UGT2B4: variants seen among roughly 807,000 people sequenced by gnomAD.
The protein encoded by UGT2B4 is UDP-glucuronosyltransferase 2B4.
UGT2B4 carries 49 observed loss-of-function variants against 49.8 expected under a neutral mutation model. The observed-to-expected ratio is 0.98, with a 90% CI of 0.78 to 1.25. The LOEUF is 1.25. Ranked by LOEUF, UGT2B4 falls within the 50% of genes most tolerant of loss-of-function variation. The pLI is 0.00. For missense variants in UGT2B4, 729 were observed against 627.7 expected, an observed-to-expected ratio of 1.16 and a Z score of -1.73; for synonymous variants, 246 against 217.7, an observed-to-expected ratio of 1.13 and a Z score of -1.14.
At chr4:69,510,394 T>C (rs2082336) in intron 1 of UGT2B4, among the ~76,000 whole-genome samples, 89,318 of 151,962 alleles carry the variant, frequency 0.59, 26,974 homozygotes, top group East Asian at 0.75. Flanking sequence ...TCTAATTTTA[T>C]AAAAAATGTC....
chr4:69,488,621 G>A (rs1040006140), intron 3 of UGT2B4, among the ~76,000 whole-genome samples: 1 of 151,892 alleles, frequency 6.6e-6, no homozygotes, highest in Non-Finnish European at 1.5e-5. Flanking sequence ...TCCCCTGCCT[G>A]GCTTCCTTCT....
chr4:69,520,836 C>A (rs1728832994), intron 1 of UGT2B4, among the ~76,000 whole-genome samples: 1 of 152,142 alleles, frequency 6.6e-6, no homozygotes, highest in Admixed American at 6.5e-5. Context: ...AGACAGACTC[C>A]TGGGCGGTAA....
At chr4:69,515,202 A>G (rs540774264) in intron 1 of UGT2B4, among the ~76,000 whole-genome samples, 1 of 152,190 alleles carries the variant, frequency 6.6e-6, no homozygotes, top group African/African-American at 2.4e-5. Flanking sequence ...TCTTTACCCA[A>G]ATTTAACAGA....
upstream of UGT2B4, among the ~76,000 whole-genome samples, chr4:69,499,869 T>G (rs2109818626): frequency 6.6e-6 from 1 of 152,290 alleles, no homozygotes; most frequent in South Asian, 2.1e-4. Context: ...ACTTTTAAGG[T>G]TAATATTGTC....
chr4:69,490,898 T>A (rs1324251178), intron 2 of UGT2B4, among the ~76,000 whole-genome samples: 1 of 152,122 alleles, frequency 6.6e-6, no homozygotes, highest in Non-Finnish European at 1.5e-5. Context: ...ATCCACCCAG[T>A]GTTAAAGTAA....
upstream of UGT2B4, among the ~76,000 whole-genome samples, chr4:69,499,093 T>C (rs1321345582): frequency 1.3e-5 from 2 of 152,244 alleles, no homozygotes; most frequent in East Asian, 3.8e-4. Flanking sequence ...AAAGAACTTC[T>C]TGATTTCTGC....
chr4:69,485,376 T>G lies in UGT2B4; in HGVS notation c.1142A>C (p.Tyr381Ser). The change falls in exon 5 of 6, where the codon TAT becomes TCT. Residue 381 changes from tyrosine to serine, a missense_variant. Physicochemically the swap from Tyr to Ser is moderately radical, Grantham distance 144. Transcript: ENST00000305107. The stretch of plus-strand genomic sequence containing the variant: ...AGGGATTCCATGGTAGATTGCCTCA[T>G]AGATGCCATTGGCTCCACCATGAGT... ...FITHGGANGI[Y>S]EAIYHGIPMV... is the part of the protein sequence containing the mutation. The G allele has an allele frequency of 1.9e-6, 3 of 1,613,940 alleles. No individual in the cohort carries two copies. The highest frequency in any genetic ancestry group is 2.5e-6 in the Non-Finnish European group (3 of 1,179,850).
At chr4:69,486,341 AC>A (rs936713645) in intron 4 of UGT2B4, among the ~76,000 whole-genome samples, 2 of 152,162 alleles carry the variant, frequency 1.3e-5, no homozygotes, top group African/African-American at 4.8e-5. Context: ...AAGGAAGACA[AC>A]CCAGGAAGTG....
At chr4:69,512,866 G>T (rs1283235165) in intron 1 of UGT2B4, among the ~76,000 whole-genome samples, 1 of 151,996 alleles carries the variant, frequency 6.6e-6, no homozygotes, top group Non-Finnish European at 1.5e-5. Flanking sequence ...ACGTTTGTTG[G>T]CCCTATATAT....
intron 1 of UGT2B4, among the ~76,000 whole-genome samples, chr4:69,507,526 T>TAACC (rs1364912756): frequency 1.3e-5 from 2 of 151,874 alleles, no homozygotes; most frequent in Non-Finnish European, 2.9e-5. Context: ...ATCTCCAAAA[T>TAACC]AACCAACCAA....
At chr4:69,504,593 G>A (rs1728423788) in intron 1 of UGT2B4, among the ~76,000 whole-genome samples, 1 of 152,138 alleles carries the variant, frequency 6.6e-6, no homozygotes, top group Non-Finnish European at 1.5e-5. Flanking sequence ...CAAAAAATAT[G>A]AGATTTTGTA....
chr4:69,497,882 G>C (rs1200182686), upstream of UGT2B4, among the ~76,000 whole-genome samples: 1 of 152,184 alleles, frequency 6.6e-6, no homozygotes, highest in Non-Finnish European at 1.5e-5. Context: ...TGAAAAGAAG[G>C]GTTAGTGGAT....
rs1331563227 is a variant in UGT2B4 at position 69,495,897 on chromosome 4, C to T, written c.-36G>A. On this transcript the variant is annotated 5_prime_UTR_variant, in exon 1 of 6. Coordinates refer to ENST00000305107, the MANE Select transcript of UGT2B4 (RefSeq NM_021139.3). ...TGCAATGCTTGTTTTCCAGTTGCTG[C>T]TCCTTTCTGTCATTTCTCATGGTGA... is the stretch of plus-strand genomic sequence containing the variant. 6.5e-7 allele frequency: 1 copy of T among 1,542,126 alleles called. No individual in the cohort carries two copies. The highest frequency in any genetic ancestry group is 8.7e-7 in the Non-Finnish European group (1 of 1,148,740).
At chr4:69,509,851 T>A (rs1424326463) in intron 1 of UGT2B4, among the ~76,000 whole-genome samples, 1 of 152,154 alleles carries the variant, frequency 6.6e-6, no homozygotes, top group African/African-American at 2.4e-5. Flanking sequence ...AATATTTTTT[T>A]TTTGTTTCAC....
intron 1 of UGT2B4, among the ~76,000 whole-genome samples, chr4:69,519,518 T>A (rs1485961691): frequency 4.6e-5 from 7 of 152,148 alleles, no homozygotes; most frequent in African/African-American, 1.7e-4. Context: ...GAAAGGAAAA[T>A]AAATTTCAGA....
chr4:69,501,964 C>G (rs1000185556), intron 1 of UGT2B4, among the ~76,000 whole-genome samples: 20 of 152,214 alleles, frequency 1.3e-4, no homozygotes, highest in African/African-American at 4.6e-4. Context: ...AGCATGTTAC[C>G]TGGGGCTTCA....
intron 1 of UGT2B4, among the ~76,000 whole-genome samples, chr4:69,521,785 A>T (rs1467156805): frequency 2.0e-5 from 3 of 152,184 alleles, no homozygotes; most frequent in African/African-American, 7.2e-5. Flanking sequence ...GACACTAGGA[A>T]ACTATAATAA....
chr4:69,519,378 A>G (rs1379377175), intron 1 of UGT2B4, among the ~76,000 whole-genome samples: 2 of 152,182 alleles, frequency 1.3e-5, no homozygotes, highest in Admixed American at 6.5e-5. Context: ...AACTGATGGG[A>G]CTTGTGATTA....
At chr4:69,524,957 G>A (rs185760620) in intron 1 of UGT2B4, among the ~76,000 whole-genome samples, 1 of 152,262 alleles carries the variant, frequency 6.6e-6, no homozygotes, top group East Asian at 1.9e-4. Context: ...AGTAGAATGA[G>A]AAAAGGTCAT....
Sources: allele counts gnomAD v4.1 joint callset (sites outside exome capture counted in the v4.1 genomes callset), GRCh38; gene constraint gnomAD v4.1.1; transcripts MANE v1.5; gene names NCBI Gene and HGNC (gene_info 2026-07-23, HGNC 2026-07-21).